The following GNA13 variants were observed in gnomAD, a reference collection of about 807,000 sequenced individuals.
The protein encoded by GNA13 is guanine nucleotide-binding protein subunit alpha-13.
In GNA13, 4 loss-of-function variants were observed where a neutral mutation model predicts 33.5. The observed-to-expected ratio is 0.12, with a 90% confidence interval of 0.06 to 0.27. The LOEUF is 0.27. Ranked by LOEUF, GNA13 falls within the 10% of genes least tolerant of loss-of-function variation. GNA13 has a pLI of 1.00. For missense variants in GNA13, 319 were observed against 487.2 expected (o/e 0.65, Z 3.25); for synonymous variants, 176 against 183.8 (o/e 0.96, Z 0.34).
rs1598477323 is a variant in GNA13, at chr17:65,013,833, G to A, written c.*424C>T. The A allele has an allele frequency of 8.8e-6, 2 of 227,378 alleles. No individual in the cohort carries two copies. Among genetic ancestry groups the A allele is most frequent in the East Asian group, 1.3e-4 (2 of 15,056 alleles). The allele number at this position is 227,378 out of a possible 1,614,324, so 14.1% of individuals were successfully genotyped here. ...ATAAAGTTAGGCAACAAGTGTCACT[G>A]CTATATGTAAGGCGGACAGAAGATA... On this transcript the variant is annotated 3_prime_UTR_variant, in exon 4 of 4. Transcript: ENST00000439174.
chr17:65,036,855 C>T (rs1907268528), intron 2 of GNA13, among the ~76,000 whole-genome samples: 1 of 152,204 alleles, frequency 6.6e-6, no homozygotes, highest in South Asian at 2.1e-4. Flanking sequence ...AAGAGTGATT[C>T]TGCACACTCT....
chr17:65,037,777 G>GAAAAAAAAAAAAAAAAAAAAAAA (rs145051963), intron 2 of GNA13, among the ~76,000 whole-genome samples: 2 of 82,042 alleles, frequency 2.4e-5, no homozygotes, highest in African/African-American at 5.1e-5. Context: ...CTACAAAAAT[G>GAAAAAAAAAAAAAAAAAAAAAAA]GAAAAAAAAA....
intron 2 of GNA13, among the ~76,000 whole-genome samples, chr17:65,030,830 T>C (rs1044239018): frequency 6.6e-6 from 1 of 152,188 alleles, no homozygotes; most frequent in African/African-American, 2.4e-5. Context: ...CTGGGCAACA[T>C]AGCAAGACCC....
intron 3 of GNA13, among the ~76,000 whole-genome samples, chr17:65,015,196 T>C (rs139823559): frequency 4.1e-4 from 62 of 152,284 alleles, no homozygotes; most frequent in African/African-American, 1.4e-3. Context: ...TTTTCATCCC[T>C]GCAATACTAC....
chr17:65,024,859 A>T (rs1157948447), intron 2 of GNA13, among the ~76,000 whole-genome samples: 2 of 152,314 alleles, frequency 1.3e-5, no homozygotes, highest in Non-Finnish European at 2.9e-5. Flanking sequence ...AATTTAGTTT[A>T]GTTTTATCTT....
At chr17:65,056,174 C>A in intron 1 of GNA13, 137 bp downstream of exon 1, 1 of 617,280 alleles carries the variant, frequency 1.6e-6, no homozygotes, top group South Asian at 4.4e-5. Flanking sequence ...CGGGGCGCGC[C>A]CCCTTCCCGC....
chr17:65,046,837 C>T (rs951863625), intron 2 of GNA13, among the ~76,000 whole-genome samples: 1 of 152,158 alleles, frequency 6.6e-6, no homozygotes, highest in African/African-American at 2.4e-5. Flanking sequence ...AATTATTGTG[C>T]CCCTAGCTTT....
intron 2 of GNA13, among the ~76,000 whole-genome samples, chr17:65,048,234 CAA>C (rs961674232): frequency 3.3e-5 from 5 of 150,894 alleles, no homozygotes; most frequent in African/African-American, 1.2e-4. Flanking sequence ...ATAAATTAAA[CAA>C]AAAAAAATAG....
At chr17:65,046,018 T>G (rs1038952027) in intron 2 of GNA13, among the ~76,000 whole-genome samples, 4 of 152,156 alleles carry the variant, frequency 2.6e-5, no homozygotes, top group African/African-American at 9.7e-5. Context: ...TATTATTATT[T>G]ACTAGGTCTG....
At chr17:65,027,069 C>T (rs1598484917) in intron 2 of GNA13, among the ~76,000 whole-genome samples, 1 of 152,010 alleles carries the variant, frequency 6.6e-6, no homozygotes, top group African/African-American at 2.4e-5. Flanking sequence ...TGAGCCACCG[C>T]GCCCGGCCTC....
At position 65,056,588 on chromosome 17, in the gene GNA13, C is replaced by G; in HGVS notation, c.6G>C (p.Ala2=). The G allele has an allele frequency of 6.3e-7, 1 of 1,599,480 alleles. No individual in the cohort carries two copies. The highest frequency in any genetic ancestry group is 8.5e-7 in the Non-Finnish European group (1 of 1,175,092). ...GCACGGACCGCGACGGCAGGAAGTC[C>G]GCCATCTTGCCGCCGCCGCCGCCGC... M[A]DFLPSRSVLS... Residue 2 remains alanine, a synonymous_variant, in exon 1 of 4, where the codon GCG becomes GCC. Transcript: ENST00000439174.
In GNA13 at chr17:65,053,528, A is replaced by G; in HGVS notation, c.484T>C (p.Tyr162His). The G allele has an allele frequency of 6.2e-7, 1 of 1,608,064 alleles. No individual in the cohort carries two copies. Among genetic ancestry groups the G allele is most frequent in the Non-Finnish European group, 8.5e-7 (1 of 1,174,372 alleles). The change falls in exon 2 of 4, where the codon TAT becomes CAT. Residue 162 changes from tyrosine (Y) to histidine (H), a missense_variant. Physicochemically the swap from Tyr to His is moderately conservative, Grantham distance 83 (BLOSUM62 2). This residue lies in a region of GNA13 where 136 missense variants were observed against 159.3 expected (regional missense o/e 0.85). Transcript: ENST00000439174. ...AGTTGAAATTCTCGACGCCGGTCAT[A>G]GGCATTCTGTATGCCGCTGTCTGCC... ...LWADSGIQNA[Y>H]DRRREFQLGE...
At chr17:65,033,385 G>T (rs1308272758) in intron 2 of GNA13, among the ~76,000 whole-genome samples, 2 of 151,924 alleles carry the variant, frequency 1.3e-5, no homozygotes, top group Non-Finnish European at 2.9e-5. Context: ...CTACTAGGAG[G>T]CTGAAGCAGA....
At chr17:65,026,399 A>T (rs143862357) in intron 2 of GNA13, among the ~76,000 whole-genome samples, 1 of 152,360 alleles carries the variant, frequency 6.6e-6, no homozygotes, top group East Asian at 1.9e-4. Flanking sequence ...TCAGGAAGCC[A>T]TGACTAGAAA....
intron 2 of GNA13, among the ~76,000 whole-genome samples, chr17:65,049,911 G>A (rs1907801892): frequency 6.6e-6 from 1 of 152,202 alleles, no homozygotes; most frequent in South Asian, 2.1e-4. Flanking sequence ...GTAAGACCTA[G>A]TAACAGATAG....
chr17:65,054,583 T>C lies in GNA13; in HGVS notation c.284-855A>G, dbSNP rs562747519. Reference sequence around the variant, plus strand: ...ACTTTGGCCTCCCAAAGTGCTGGGATTGCAGGAGTGAGCCACCACGCCCAG... The same window carrying C: ...ACTTTGGCCTCCCAAAGTGCTGGGACTGCAGGAGTGAGCCACCACGCCCAG... On this transcript the variant is annotated intron_variant, in intron 1 of 3. Transcript: ENST00000439174. Among the ~76,000 whole-genome samples the C allele has an allele frequency of 8.5e-4, 129 of 152,304 alleles. 2 individuals carry two copies. The highest frequency in any genetic ancestry group is 7.9e-3 in the Admixed American group (121 of 15,284).
chr17:65,040,024 A>G (rs1410328179), intron 2 of GNA13, among the ~76,000 whole-genome samples: 1 of 152,218 alleles, frequency 6.6e-6, no homozygotes, highest in African/African-American at 2.4e-5. Flanking sequence ...ATATACAAAT[A>G]TCACATGAAC....
intron 2 of GNA13, among the ~76,000 whole-genome samples, chr17:65,028,976 A>G (rs1156783152): frequency 6.6e-6 from 1 of 152,188 alleles, no homozygotes; most frequent in Non-Finnish European, 1.5e-5. Flanking sequence ...GAAAAAGAAA[A>G]AAAAAGGAGG....
chr17:65,029,908 A>G (rs1906941908), intron 2 of GNA13, among the ~76,000 whole-genome samples: 1 of 152,014 alleles, frequency 6.6e-6, no homozygotes, highest in South Asian at 2.1e-4. Context: ...ACTAAATTCC[A>G]CTTGTTTATA....
Sources: gnomAD v4.1 joint callset for allele counts (sites outside exome capture counted in the v4.1 genomes callset) on GRCh38, gnomAD v4.1.1 for gene constraint, gnomAD v4.1.1 regional missense constraint, MANE v1.5 for transcripts, NCBI Gene and HGNC (gene_info 2026-07-23, HGNC 2026-07-21) for gene names.